ESCO1: variants seen among roughly 807,000 people sequenced by gnomAD.
ESCO1 encodes the protein N-acetyltransferase ESCO1.
A neutral mutation model predicts 83.5 loss-of-function variants in ESCO1; 33 were observed. The observed-to-expected ratio is 0.40, with a 90% CI of 0.30 to 0.53. The LOEUF is 0.53. Ranked by LOEUF, ESCO1 falls within the 20% of genes least tolerant of loss-of-function variation. The probability of loss-of-function intolerance (pLI) is 0.63; values close to 1 mark genes in which losing one functional copy is unlikely to be tolerated. For synonymous variants in ESCO1, 332 were observed against 324.3 expected, an observed-to-expected ratio of 1.02 and a Z score of -0.25; for missense variants, 855 against 968.0, an observed-to-expected ratio of 0.88 and a Z score of 1.55.
intron 10 of ESCO1, 91 bp from the exon 11 acceptor site, chr18:21,532,751 T>C: frequency 7.9e-7 from 1 of 1,259,584 alleles, no homozygotes; most frequent in Admixed American, 2.5e-5. Flanking sequence ...GACATTTGAC[T>C]GGCTTAACAA....
chr18:21,577,094 C>T (rs961432943), intron 2 of ESCO1, among the ~76,000 whole-genome samples: 3 of 151,634 alleles, frequency 2.0e-5, no homozygotes, highest in African/African-American at 7.3e-5. Context: ...ATGGCTCAGG[C>T]CTGTAATCCC....
At chr18:21,544,785 TG>T (rs2037951179) in intron 8 of ESCO1, among the ~76,000 whole-genome samples, 1 of 152,262 alleles carries the variant, frequency 6.6e-6, no homozygotes, top group African/African-American at 2.4e-5. Flanking sequence ...TCTGTGTGTG[TG>T]TGCTGTATTA....
In ESCO1 at chr18:21,589,841, CCTCTCTTTTTTTTT is replaced by C. The variant is rs558673984; in HGVS notation, c.-824-5415_-824-5402del. On this transcript the variant is annotated intron_variant, in intron 1 of 11. Coordinates refer to ENST00000269214, the MANE Select transcript of ESCO1 (RefSeq NM_052911.3). ...TCAAATGCAAGTCCGTCTTTTTTTT[CCTCTCTTTTTTTTT>C]CTCGCTCTGTCACCCAGGCTGGAGT... Among the ~76,000 whole-genome samples, 17 of 113,274 alleles carry C rather than the reference CCTCTCTTTTTTTTT, an allele frequency of 1.5e-4. No individual in the cohort carries two copies. The East Asian group carries it at 4.8e-3, about 32-fold the overall frequency. The allele number at this position is 113,274 out of a possible 152,430, so 74.3% of individuals were successfully genotyped here.
Position 21,574,795 on chromosome 18 carries a change from T to G in ESCO1, c.49A>C (p.Lys17Gln). 2 of 1,599,626 alleles carry G rather than the reference T, an allele frequency of 1.3e-6. No homozygotes were observed. The highest frequency in any genetic ancestry group is 2.2e-5 in the South Asian group (2 of 89,832). Reference sequence around the variant, plus strand: ...TCTGAATTCTTATCGTCACTTTTTTTAGTAACTTTGGAGGAATTCTCTTTT... The same window carrying G: ...TCTGAATTCTTATCGTCACTTTTTTGAGTAACTTTGGAGGAATTCTCTTTT... ...KSKENSSKVTKKSDDKNSETE... is the reference protein window; with the variant it reads ...KSKENSSKVTQKSDDKNSETE... Residue 17 changes from lysine (K) to glutamine (Q), a missense_variant, in exon 4 of 12, where the codon AAA (lysine) becomes CAA (glutamine). Coordinates refer to ENST00000269214, the MANE Select transcript of ESCO1 (RefSeq NM_052911.3).
intron 1 of ESCO1, among the ~76,000 whole-genome samples, chr18:21,586,979 C>G (rs904126736): frequency 6.6e-6 from 1 of 152,008 alleles, no homozygotes; most frequent in Non-Finnish European, 1.5e-5. Context: ...GATTTTTTTT[C>G]TGCATCTATT....
chr18:21,551,192 C>T (rs1038664680), intron 8 of ESCO1, among the ~76,000 whole-genome samples: 2 of 151,646 alleles, frequency 1.3e-5, no homozygotes, highest in Non-Finnish European at 2.9e-5. Flanking sequence ...ATGTCCAGGC[C>T]GGGCGCAGTG....
intron 4 of ESCO1, 95 bp downstream of exon 4, chr18:21,573,219 C>T: frequency 8.8e-6 from 11 of 1,248,810 alleles, no homozygotes; most frequent in Non-Finnish European, 1.2e-5. Flanking sequence ...ACTCTTCAAT[C>T]TTTTATGACT....
At chr18:21,565,559 C>T (rs1466016748) in intron 6 of ESCO1, among the ~76,000 whole-genome samples, 2 of 152,076 alleles carry the variant, frequency 1.3e-5, no homozygotes, top group Admixed American at 6.6e-5. Context: ...AGAAATGAAC[C>T]AGAAATATCC....
intron 4 of ESCO1, among the ~76,000 whole-genome samples, chr18:21,571,528 G>A (rs970059123): frequency 6.6e-6 from 1 of 152,150 alleles, no homozygotes; most frequent in Non-Finnish European, 1.5e-5. Flanking sequence ...CAGAGGGGCT[G>A]CATAAATTCA....
chr18:21,584,584 A>G (rs530645963), intron 1 of ESCO1, 144 bp from the exon 2 acceptor site: 18 of 152,202 alleles, frequency 1.2e-4, no homozygotes, highest in African/African-American at 4.3e-4. Context: ...AGGTGGAAGG[A>G]TCAAGGATCA....
chr18:21,592,096 C>A (rs1247590870), intron 1 of ESCO1, among the ~76,000 whole-genome samples: 1 of 150,986 alleles, frequency 6.6e-6, no homozygotes, highest in Non-Finnish European at 1.5e-5. Flanking sequence ...GGCAACCATC[C>A]GATTTCTCAA....
chr18:21,561,332 G>T (rs1033545177), intron 7 of ESCO1, among the ~76,000 whole-genome samples: 1 of 152,204 alleles, frequency 6.6e-6, no homozygotes, highest in Non-Finnish European at 1.5e-5. Flanking sequence ...TACTACTAGT[G>T]TGTAGAGGAA....
intron 1 of ESCO1, among the ~76,000 whole-genome samples, chr18:21,586,704 C>T (rs1167759338): frequency 2.6e-5 from 4 of 152,188 alleles, no homozygotes; most frequent in African/African-American, 9.6e-5. Flanking sequence ...GAGAGTTTTA[C>T]TGCTTCCTTT....
chr18:21,568,902 CAA>C (rs35472054), intron 4 of ESCO1, among the ~76,000 whole-genome samples: 34 of 101,692 alleles, frequency 3.3e-4, no homozygotes, highest in Admixed American at 4.3e-4. Context: ...GACTCCATCT[CAA>C]AAAAAAAAAA....
rs1165256288 is a variant in ESCO1 at position 21,541,534 on chromosome 18, A to G, written c.1954-1525T>C. On this transcript the variant is annotated intron_variant, in intron 8 of 11. Coordinates refer to ENST00000269214, the MANE Select transcript of ESCO1 (RefSeq NM_052911.3). The stretch of plus-strand genomic sequence containing the variant: ...CTTGAACTCGGGAGGTGGAGGTTGC[A>G]GTGAGCTGAGTTCGCGCCATTGCAC... Among the ~76,000 whole-genome samples, 5 of 150,004 alleles carry G rather than the reference A, an allele frequency of 3.3e-5. No homozygotes were observed. In the Admixed American group the frequency reaches 3.4e-4, roughly 10 times the overall value.
chr18:21,589,365 T>G (rs2146229907), intron 1 of ESCO1, among the ~76,000 whole-genome samples: 1 of 152,274 alleles, frequency 6.6e-6, no homozygotes, highest in African/African-American at 2.4e-5. Flanking sequence ...TACACAACCC[T>G]AGGACTATTT....
intron 6 of ESCO1, among the ~76,000 whole-genome samples, chr18:21,565,554 TGAACCA>T (rs2038248386): frequency 6.6e-6 from 1 of 152,142 alleles, no homozygotes; most frequent in African/African-American, 2.4e-5. Context: ...TGGATAGAAA[TGAACCA>T]GAAATATCCA....
chr18:21,539,174 C>T (rs922731220), intron 9 of ESCO1, among the ~76,000 whole-genome samples: 3 of 152,062 alleles, frequency 2.0e-5, no homozygotes, highest in African/African-American at 7.2e-5. Flanking sequence ...TTCAGGTTTA[C>T]TATGACCTAC....
intron 8 of ESCO1, among the ~76,000 whole-genome samples, chr18:21,548,713 G>A (rs954609926): frequency 6.6e-6 from 1 of 152,130 alleles, no homozygotes; most frequent in Non-Finnish European, 1.5e-5. Flanking sequence ...GCCAAGGCAG[G>A]CAGGTTGCTT....
Sources: allele counts gnomAD v4.1 joint callset (sites outside exome capture counted in the v4.1 genomes callset), GRCh38; gene constraint gnomAD v4.1.1; transcripts MANE v1.5; gene names NCBI Gene and HGNC (gene_info 2026-07-23, HGNC 2026-07-21).